The following ZNF804B variants were observed in gnomAD, a reference collection of about 807,000 sequenced individuals.
The protein encoded by ZNF804B is zinc finger 804B.
ZNF804B carries 80 observed loss-of-function variants against 101.4 expected under a neutral mutation model. The ratio of observed to expected loss-of-function variants is 0.79; its 90% confidence interval spans 0.66 to 0.95. The LOEUF is 0.95. Ranked by LOEUF, ZNF804B falls within the 40% of genes least tolerant of loss-of-function variation. The probability of loss-of-function intolerance (pLI) is 0.00; values close to 1 mark genes in which losing one functional copy is unlikely to be tolerated. For missense variants in ZNF804B, 1,673 were observed against 1,561.9 expected (o/e 1.07, Z -1.20); for synonymous variants, 622 against 558.8 (o/e 1.11, Z -1.59).
At chr7:89,079,826 A>C (rs890120898) in intron 1 of ZNF804B, among the ~76,000 whole-genome samples, 7 of 152,094 alleles carry the variant, frequency 4.6e-5, no homozygotes, top group South Asian at 2.1e-4. Context: ...GATGTCCAAC[A>C]ACTCTGAGAT....
chr7:89,299,557 A>G (rs1359169230), intron 2 of ZNF804B, among the ~76,000 whole-genome samples: 1 of 152,094 alleles, frequency 6.6e-6, no homozygotes, highest in African/African-American at 2.4e-5. Flanking sequence ...ACCTTCAAAT[A>G]CAAGTTAAAA....
chr7:89,037,547 G>T (rs1265452919), intron 1 of ZNF804B, among the ~76,000 whole-genome samples: 1 of 150,832 alleles, frequency 6.6e-6, no homozygotes, highest in Non-Finnish European at 1.5e-5. Context: ...TATGTTTATA[G>T]TGCACAATGT....
intron 1 of ZNF804B, among the ~76,000 whole-genome samples, chr7:88,961,980 C>A (rs1024793797): frequency 2.6e-5 from 4 of 151,172 alleles, no homozygotes; most frequent in African/African-American, 9.7e-5. Context: ...TTAGAATTTT[C>A]TCTGTAATAC....
At chr7:89,162,673 C>T (rs1055309878) in intron 1 of ZNF804B, among the ~76,000 whole-genome samples, 10 of 132,650 alleles carry the variant, frequency 7.5e-5, no homozygotes, top group African/African-American at 2.8e-4. Flanking sequence ...TATTATTATA[C>T]TTTAAGTTTT....
chr7:89,004,580 T>A (rs1374780033), intron 1 of ZNF804B, among the ~76,000 whole-genome samples: 1 of 151,948 alleles, frequency 6.6e-6, no homozygotes, highest in African/African-American at 2.4e-5. Context: ...GGTGACGGCA[T>A]GCAGGTAACC....
At chr7:89,268,468 T>G (rs1271916482) in intron 2 of ZNF804B, among the ~76,000 whole-genome samples, 4 of 152,146 alleles carry the variant, frequency 2.6e-5, no homozygotes, top group African/African-American at 4.8e-5. Flanking sequence ...AAACATTTCA[T>G]GACGAGATCT....
At chr7:89,167,416 C>G (rs928556069) in intron 1 of ZNF804B, among the ~76,000 whole-genome samples, 1 of 151,024 alleles carries the variant, frequency 6.6e-6, no homozygotes, top group African/African-American at 2.4e-5. Context: ...GCATTCCACT[C>G]CGGGCCGAAA....
At chr7:88,829,228 C>T (rs1791094997) in intron 1 of ZNF804B, among the ~76,000 whole-genome samples, 1 of 152,056 alleles carries the variant, frequency 6.6e-6, no homozygotes, top group South Asian at 2.1e-4. Context: ...GTAGCTGGGA[C>T]TACAGGTGTG....
chr7:89,109,669 CTT>C (rs770800285), intron 1 of ZNF804B, among the ~76,000 whole-genome samples: 5 of 152,150 alleles, frequency 3.3e-5, no homozygotes, highest in Non-Finnish European at 7.4e-5. Context: ...TTCATTCCCT[CTT>C]TACTCAAATG....
chr7:88,990,679 T>C (rs1311514770), intron 1 of ZNF804B, among the ~76,000 whole-genome samples: 2 of 152,046 alleles, frequency 1.3e-5, no homozygotes, highest in African/African-American at 4.8e-5. Context: ...AAGCACAGAG[T>C]AAAGGTGAAG....
At chr7:89,032,540 T>A (rs1023506741) in intron 1 of ZNF804B, among the ~76,000 whole-genome samples, 14 of 152,184 alleles carry the variant, frequency 9.2e-5, no homozygotes, top group African/African-American at 3.4e-4. Flanking sequence ...CAAGGTTATC[T>A]TTATTTCAAT....
chr7:89,047,382 G>T (rs1368382884), intron 1 of ZNF804B, among the ~76,000 whole-genome samples: 1 of 152,114 alleles, frequency 6.6e-6, no homozygotes, highest in Admixed American at 6.5e-5. Flanking sequence ...TAGGGATAAT[G>T]TGTATTAAAT....
At chr7:88,891,482 C>T (rs963469398) in intron 1 of ZNF804B, among the ~76,000 whole-genome samples, 9 of 152,202 alleles carry the variant, frequency 5.9e-5, no homozygotes, top group Middle Eastern at 3.4e-3. Context: ...ATTAGACTAT[C>T]ATGTAATTCA....
At chr7:88,825,532 A>G (rs951423941) in intron 1 of ZNF804B, among the ~76,000 whole-genome samples, 1 of 109,360 alleles carries the variant, frequency 9.1e-6, no homozygotes, top group African/African-American at 4.8e-5. Context: ...TCCCACAGAT[A>G]CCTGTGTCCT....
At chr7:89,106,401 C>G (rs1465756684) in intron 1 of ZNF804B, among the ~76,000 whole-genome samples, 1 of 151,924 alleles carries the variant, frequency 6.6e-6, no homozygotes, top group African/African-American at 2.4e-5. Flanking sequence ...GTAATGACTT[C>G]TAGTATTATG....
rs865983001 is a variant in ZNF804B at position 89,334,868 on chromosome 7, C to T, written c.1886C>T (p.Ser629Phe). ...NDIDEDLSFP[S>F]YISRFKKHKL... ...ATAGATGAGGACCTATCTTTTCCTT[C>T]CTACATCTCTAGGTTTAAAAAGCAT... The change falls in exon 4 of 4, where the codon TCC (serine) becomes TTC (phenylalanine). Residue 629 changes from serine (S) to phenylalanine (F), a missense_variant. Coordinates refer to ENST00000333190, the MANE Select transcript of ZNF804B (RefSeq NM_181646.5). The T allele has an allele frequency of 6.2e-7, 1 of 1,613,760 alleles. No homozygotes were observed. Among genetic ancestry groups the T allele is most frequent in the African/African-American group, 1.3e-5 (1 of 75,018 alleles).
intron 1 of ZNF804B, among the ~76,000 whole-genome samples, chr7:89,113,334 C>T (rs1472864809): frequency 3.3e-5 from 5 of 151,914 alleles, no homozygotes; most frequent in Admixed American, 6.6e-5. Context: ...AATAAACCTG[C>T]ACATGTAATA....
chr7:88,999,917 C>G (rs979980719), intron 1 of ZNF804B, among the ~76,000 whole-genome samples: 3 of 151,856 alleles, frequency 2.0e-5, no homozygotes, highest in Non-Finnish European at 4.4e-5. Context: ...TATTTCATGT[C>G]CTAGTGATAT....
intron 1 of ZNF804B, among the ~76,000 whole-genome samples, chr7:89,181,807 G>C (rs1262878801): frequency 6.6e-6 from 1 of 152,152 alleles, no homozygotes; most frequent in Non-Finnish European, 1.5e-5. Flanking sequence ...CGGGTTGCTG[G>C]CTATAAGGAT....
Sources: gnomAD v4.1 joint callset for allele counts (sites outside exome capture counted in the v4.1 genomes callset) on GRCh38, gnomAD v4.1.1 for gene constraint, MANE v1.5 for transcripts, NCBI Gene and HGNC (gene_info 2026-07-23, HGNC 2026-07-21) for gene names.